The following REV3L variants were observed in gnomAD, a reference collection of about 807,000 sequenced individuals.
The protein encoded by REV3L is DNA polymerase zeta catalytic subunit.
A neutral mutation model predicts 299.4 loss-of-function variants in REV3L; 69 were observed. That is an observed-to-expected ratio of 0.23 (90% confidence interval 0.19 to 0.28). REV3L has a LOEUF of 0.28. Ranked by LOEUF, REV3L falls within the 10% of genes least tolerant of loss-of-function variation. The pLI is 1.00. For missense variants in REV3L, 3,128 were observed against 3,693.8 expected (o/e 0.85, Z 3.97); for synonymous variants, 1,238 against 1,271.4 (o/e 0.97, Z 0.56).
At chr6:111,476,589 C>A (rs1562373995) in intron 1 of REV3L, among the ~76,000 whole-genome samples, 2 of 152,130 alleles carry the variant, frequency 1.3e-5, no homozygotes, top group Admixed American at 1.3e-4. Context: ...AAGGGATGCT[C>A]AACCTATATT....
chr6:111,385,639 G>A (rs1781270843), intron 9 of REV3L, among the ~76,000 whole-genome samples: 1 of 151,682 alleles, frequency 6.6e-6, no homozygotes, highest in Non-Finnish European at 1.5e-5. Context: ...TTTTAAATGG[G>A]GGGAAAAGAA....
At chr6:111,452,374 A>G (rs998739178) in intron 1 of REV3L, among the ~76,000 whole-genome samples, 2 of 152,334 alleles carry the variant, frequency 1.3e-5, no homozygotes, top group Non-Finnish European at 2.9e-5. Context: ...AAATGAAAGT[A>G]TATAATCACA....
At chr6:111,351,191 A>G (rs932513972) in intron 19 of REV3L, among the ~76,000 whole-genome samples, 1 of 152,152 alleles carries the variant, frequency 6.6e-6, no homozygotes, top group Non-Finnish European at 1.5e-5. Flanking sequence ...ATGATTAGTT[A>G]ACTACTAGTG....
intron 30 of REV3L, 117 bp downstream of exon 30, chr6:111,309,736 A>G: frequency 8.4e-7 from 1 of 1,184,438 alleles, no homozygotes; most frequent in Non-Finnish European, 1.2e-6. Flanking sequence ...TTACGGGACC[A>G]CACTCTTCCC....
intron 1 of REV3L, among the ~76,000 whole-genome samples, chr6:111,477,069 AATT>A (rs1427502438): frequency 2.6e-5 from 4 of 152,186 alleles, no homozygotes; most frequent in African/African-American, 9.7e-5. Flanking sequence ...TTTGTAAACT[AATT>A]TTTTCACATA....
At chr6:111,440,987 T>C (rs1309069332) in intron 1 of REV3L, among the ~76,000 whole-genome samples, 2 of 152,234 alleles carry the variant, frequency 1.3e-5, no homozygotes, top group East Asian at 3.8e-4. Context: ...CACATAGAAG[T>C]AAGGTGGGTT....
At chr6:111,305,622 GA>G (rs1242590538) in intron 31 of REV3L, among the ~76,000 whole-genome samples, 2 of 151,770 alleles carry the variant, frequency 1.3e-5, no homozygotes, top group African/African-American at 4.8e-5. Context: ...TAAATAAAAA[GA>G]AAAAAAGAAT....
chr6:111,431,800 A>AT (rs1786960455), intron 1 of REV3L: 1 of 691,712 alleles, frequency 1.4e-6, no homozygotes, highest in African/African-American at 1.8e-5. Flanking sequence ...CCTGTATTTG[A>AT]TTATATATTA....
At chr6:111,465,993 G>A (rs1237035486) in intron 1 of REV3L, among the ~76,000 whole-genome samples, 1 of 152,122 alleles carries the variant, frequency 6.6e-6, no homozygotes, top group Non-Finnish European at 1.5e-5. Flanking sequence ...TGAACTAGCT[G>A]TTTGCTACAG....
chr6:111,478,179 T>C (rs1793168442), intron 1 of REV3L, among the ~76,000 whole-genome samples: 2 of 152,214 alleles, frequency 1.3e-5, no homozygotes, highest in Non-Finnish European at 2.9e-5. Context: ...CACGAAGTCT[T>C]CCCTGACTCC....
intron 4 of REV3L, among the ~76,000 whole-genome samples, chr6:111,396,142 T>G (rs1782479234): frequency 6.6e-6 from 1 of 152,146 alleles, no homozygotes; most frequent in Non-Finnish European, 1.5e-5. Context: ...TCCTCCTACC[T>G]AAGTCTCCCA....
At chr6:111,368,991 C>A (rs1345798763) in intron 13 of REV3L, among the ~76,000 whole-genome samples, 10 of 152,120 alleles carry the variant, frequency 6.6e-5, no homozygotes, top group Admixed American at 6.5e-4. Context: ...TAAGCCCCTA[C>A]TAGTTAACTC....
chr6:111,479,561 G>A (rs979240967), intron 1 of REV3L, among the ~76,000 whole-genome samples: 1 of 149,020 alleles, frequency 6.7e-6, no homozygotes, highest in Non-Finnish European at 1.5e-5. Flanking sequence ...CCAGGCTGGA[G>A]TGCAGTGGCG....
At position 111,373,488 on chromosome 6, in the gene REV3L, A is replaced by T. The variant is rs1779998808; in HGVS notation, c.4867T>A (p.Phe1623Ile). The T allele has an allele frequency of 6.2e-7, 1 of 1,613,338 alleles. No individual in the cohort carries two copies. Among genetic ancestry groups the T allele is most frequent in the Admixed American group, 1.7e-5 (1 of 59,872 alleles). The change falls in exon 13 of 32, where the codon TTT (phenylalanine) becomes ATT (isoleucine). Residue 1623 changes from phenylalanine (F) to isoleucine (I), a missense_variant. Phe to Ile is a conservative substitution (Grantham distance 21). This residue lies in a region of REV3L where 2,409 missense variants were observed against 2,611.8 expected (regional missense o/e 0.92). Transcript: ENST00000368802. ...DNSVSDDSPI[F>I]FSDPGFESCY... ...CTTTCAAAGCCTGGATCTGAAAAAA[A>T]GATGGGACTATCATCTGATACAGAG...
chr6:111,430,516 T>C, intron 1 of REV3L: 5 of 1,562,114 alleles, frequency 3.2e-6, no homozygotes, highest in Non-Finnish European at 4.4e-6. Flanking sequence ...GGGATGAAAA[T>C]TCTTAGACAT....
chr6:111,466,199 G>GA (rs1294464112), intron 1 of REV3L, among the ~76,000 whole-genome samples: 1 of 151,990 alleles, frequency 6.6e-6, no homozygotes. Context: ...GAAGTATTGG[G>GA]AAAAAAACCT....
At chr6:111,476,799 G>C (rs554393669) in intron 1 of REV3L, among the ~76,000 whole-genome samples, 3 of 152,250 alleles carry the variant, frequency 2.0e-5, no homozygotes, top group Admixed American at 2.0e-4. Flanking sequence ...ATATAATTAA[G>C]TTCAATATGA....
chr6:111,341,685 T>C (rs1267301120), intron 21 of REV3L, among the ~76,000 whole-genome samples: 1 of 152,106 alleles, frequency 6.6e-6, no homozygotes, highest in African/African-American at 2.4e-5. Flanking sequence ...AGAGTTCATT[T>C]AGGCAGCTCA....
At chr6:111,423,860 T>G (rs139468522) in intron 1 of REV3L, among the ~76,000 whole-genome samples, 24 of 152,318 alleles carry the variant, frequency 1.6e-4, no homozygotes, top group East Asian at 5.8e-4. Context: ...GATGATAATG[T>G]CACTCAAAGA....
Sources: gnomAD v4.1 joint callset for allele counts (sites outside exome capture counted in the v4.1 genomes callset) on GRCh38, gnomAD v4.1.1 for gene constraint, gnomAD v4.1.1 regional missense constraint, MANE v1.5 for transcripts, NCBI Gene and HGNC (gene_info 2026-07-23, HGNC 2026-07-21) for gene names.